The following ADGRA1 variants were observed in gnomAD, a reference collection of about 807,000 sequenced individuals.
ADGRA1 encodes the protein G-protein coupled receptor 123.
ADGRA1 carries 12 observed loss-of-function variants against 21.3 expected under a neutral mutation model. The observed-to-expected ratio is 0.56, with a 90% confidence interval of 0.36 to 0.91. The LOEUF is 0.91. ADGRA1 is among the 40% of genes least tolerant of loss of function. ADGRA1 has a pLI of 0.01. For missense variants in ADGRA1, 790 were observed against 805.6 expected (o/e 0.98, Z 0.23); for synonymous variants, 385 against 368.8 (o/e 1.04, Z -0.50).
chr10:133,101,403 G>A (rs1174264773), intron 4 of ADGRA1, among the ~76,000 whole-genome samples: 3 of 152,224 alleles, frequency 2.0e-5, no homozygotes, highest in Admixed American at 2.0e-4. Flanking sequence ...CTGGCCCTGG[G>A]TCCGGCGGGG....
intron 5 of ADGRA1, among the ~76,000 whole-genome samples, chr10:133,114,035 A>G (rs1852110863): frequency 1.3e-5 from 2 of 152,312 alleles, no homozygotes; most frequent in Admixed American, 6.5e-5. Flanking sequence ...TCTAGACACC[A>G]TGAGTACCTC....
intron 5 of ADGRA1, among the ~76,000 whole-genome samples, chr10:133,104,365 T>C (rs1394979968): frequency 6.6e-6 from 1 of 152,232 alleles, no homozygotes; most frequent in Non-Finnish European, 1.5e-5. Context: ...TCATCTGTAA[T>C]TGATGGAAGA....
Position 133,101,600 on chromosome 10 carries a change from A to G in ADGRA1, c.256-1097A>G, listed in dbSNP as rs115733005. On this transcript the variant is annotated intron_variant, in intron 4 of 6. Transcript: ENST00000392607. ...CTCAGCGCCCCGGGCAGTGACACTG[A>G]CAGCCCCACGGCTGCTTCCTGAAAA... 1.9e-3 allele frequency among the ~76,000 whole-genome samples: 291 copies of G among 152,304 alleles called. 2 individuals are homozygous for G. Among genetic ancestry groups the G allele is most frequent in the African/African-American group, 6.4e-3 (266 of 41,574 alleles).
chr10:133,091,107 G>T (rs745743905), intron 2 of ADGRA1, among the ~76,000 whole-genome samples: 3 of 152,226 alleles, frequency 2.0e-5, no homozygotes, highest in Non-Finnish European at 4.4e-5. Context: ...AGCAGGCTCC[G>T]AAATGAAATA....
chr10:133,129,636 CCCTTCCTT>C lies in ADGRA1; in HGVS notation c.*126_*133del. 1 of 487,728 alleles carries C rather than the reference CCCTTCCTT, an allele frequency of 2.1e-6. No individual in the cohort carries two copies. Among genetic ancestry groups the C allele is most frequent in the Non-Finnish European group, 3.3e-6 (1 of 303,294 alleles). 30.2% of individuals were successfully genotyped at this position (487,728 alleles called of 1,614,324 possible). ...TTTCAGAAGCCGTTCACACCCCTGC[CCCTTCCTT>C]GTGATCACACCCCTGCCCCTTCCTT... is the stretch of plus-strand genomic sequence containing the variant. On this transcript the variant is annotated 3_prime_UTR_variant, in exon 7 of 7. Transcript: ENST00000392607.
At chr10:133,116,669 G>A (rs2135898766) in intron 5 of ADGRA1, among the ~76,000 whole-genome samples, 1 of 152,120 alleles carries the variant, frequency 6.6e-6, no homozygotes, top group East Asian at 1.9e-4. Flanking sequence ...GCCCGAGGAG[G>A]GCCCCCCTTC....
chr10:133,093,015 G>A (rs781117450), intron 2 of ADGRA1: 55 of 1,594,042 alleles, frequency 3.5e-5, no homozygotes, highest in Non-Finnish European at 4.5e-5. Context: ...AGGTTCCTCA[G>A]CCAGTCGGAG....
chr10:133,088,747 C>A lies in ADGRA1; in HGVS notation c.-163C>A. ...CGGACTGCGCCCGCCCCGCCGCGGT[C>A]ACCCTGAGGCCAGGGGCCCGGGAGC... On this transcript the variant is annotated 5_prime_UTR_variant, in exon 2 of 7. It introduces an in-frame stop codon into an upstream open reading frame of the 5' UTR. Coordinates refer to ENST00000392607, the MANE Select transcript of ADGRA1 (RefSeq NM_001083909.3). 1 of 1,230,946 alleles carries A rather than the reference C, an allele frequency of 8.1e-7. No homozygotes were observed. The highest frequency in any genetic ancestry group is 4.2e-5 in the South Asian group (1 of 23,724). The allele number at this position is 1,230,946 out of a possible 1,614,324, so 76.3% of individuals were successfully genotyped here.
At chr10:133,123,317 G>A (rs998984958) in intron 5 of ADGRA1, among the ~76,000 whole-genome samples, 7 of 152,334 alleles carry the variant, frequency 4.6e-5, no homozygotes, top group South Asian at 4.1e-4. Context: ...CCTCACTGAC[G>A]GGCAGGAGCC....
chr10:133,119,961 C>T (rs1194801487), intron 5 of ADGRA1, among the ~76,000 whole-genome samples: 3 of 152,194 alleles, frequency 2.0e-5, no homozygotes, highest in Non-Finnish European at 2.9e-5. Flanking sequence ...TGAGGATTGG[C>T]TTCAACTCAA....
rs536261352 is a variant in ADGRA1, at chr10:133,097,475, C to T, written c.131+374C>T. Reference sequence around the variant, plus strand: ...TGGCCTGCAGAGCCTGGGAGAGGCACCAAGAACATGAGGGTGTCCAGCCGC... The same window carrying T: ...TGGCCTGCAGAGCCTGGGAGAGGCATCAAGAACATGAGGGTGTCCAGCCGC... On this transcript the variant is annotated intron_variant, in intron 3 of 6. Transcript: ENST00000392607. 3.9e-5 allele frequency among the ~76,000 whole-genome samples: 6 copies of T among 152,346 alleles called. No individual in the cohort carries two copies. In the East Asian group the frequency reaches 1.2e-3, roughly 29 times the overall value.
At chr10:133,115,440 G>A (rs1201443748) in intron 5 of ADGRA1, among the ~76,000 whole-genome samples, 1 of 152,204 alleles carries the variant, frequency 6.6e-6, no homozygotes, top group African/African-American at 2.4e-5. Context: ...CCAAAGAACA[G>A]TCCTCACGAG....
chr10:133,129,111 G>A lies in ADGRA1; in HGVS notation c.1283G>A (p.Arg428Gln), dbSNP rs144212964. The A allele has an allele frequency of 2.2e-3, 3,401 of 1,552,352 alleles. 7 individuals are homozygous for A. The highest frequency in any genetic ancestry group is 2.7e-3 in the Non-Finnish European group (3,083 of 1,146,768). The change falls in exon 7 of 7, where the codon CGG (arginine) becomes CAG (glutamine). Residue 428 changes from arginine (R) to glutamine (Q), a missense_variant. By Grantham distance (43) the Arg-to-Gln change is conservative. Coordinates refer to ENST00000392607, the MANE Select transcript of ADGRA1 (RefSeq NM_001083909.3). ...QGRTKPPYFSRHPAEEPEYAY... is the reference protein window; with the variant it reads ...QGRTKPPYFSQHPAEEPEYAY... ...AGAACTAAGCCGCCCTACTTTAGCC[G>A]GCACCCAGCAGAGGAGCCCGAGTAC... is the stretch of plus-strand genomic sequence containing the variant.
At chr10:133,089,528 G>C (rs1026478135) in intron 2 of ADGRA1, among the ~76,000 whole-genome samples, 1 of 152,196 alleles carries the variant, frequency 6.6e-6, no homozygotes. Context: ...TGCAGTTGCT[G>C]AATGTCTGGG....
intron 5 of ADGRA1, among the ~76,000 whole-genome samples, chr10:133,104,819 T>C (rs1353049186): frequency 2.0e-5 from 3 of 152,126 alleles, no homozygotes; most frequent in Non-Finnish European, 4.4e-5. Flanking sequence ...GGTGTTAGCT[T>C]GGGCTTTGCC....
chr10:133,102,725 T>C lies in ADGRA1; in HGVS notation c.284T>C (p.Leu95Pro). Reference sequence around the variant, plus strand: ...GGCATCGTGCTGCACTATTCTACACTGTCCACCATGCTGTGGATAGGAGTG... The same window carrying C: ...GGCATCGTGCTGCACTATTCTACACCGTCCACCATGCTGTGGATAGGAGTG... ...AVGIVLHYSTLSTMLWIGVTA... is the reference protein window; with the variant it reads ...AVGIVLHYSTPSTMLWIGVTA... The change falls in exon 5 of 7, where the codon CTG (leucine) becomes CCG (proline). Residue 95 changes from leucine to proline, a missense_variant. By Grantham distance (98) the Leu-to-Pro change is moderately conservative (BLOSUM62 -3). Transcript: ENST00000392607. 1 of 1,612,072 alleles carries C rather than the reference T, an allele frequency of 6.2e-7. No individual in the cohort carries two copies. Among genetic ancestry groups the C allele is most frequent in the Non-Finnish European group, 8.5e-7 (1 of 1,179,430 alleles).
intron 2 of ADGRA1, among the ~76,000 whole-genome samples, chr10:133,095,464 A>G (rs912948546): frequency 3.3e-5 from 5 of 151,970 alleles, no homozygotes; most frequent in African/African-American, 4.8e-5. Flanking sequence ...GTCTGCTGTC[A>G]CTCCAGCTCT....
chr10:133,090,690 TCTGC>T (rs1851583964), intron 2 of ADGRA1, among the ~76,000 whole-genome samples: 2 of 152,150 alleles, frequency 1.3e-5, no homozygotes, highest in African/African-American at 4.8e-5. Flanking sequence ...TGGCCCTGAC[TCTGC>T]CTGCCCCACT....
intron 5 of ADGRA1, among the ~76,000 whole-genome samples, chr10:133,108,803 C>T (rs1378652067): frequency 1.3e-5 from 2 of 151,444 alleles, no homozygotes; most frequent in Non-Finnish European, 2.9e-5. Flanking sequence ...CACCCCTCCC[C>T]TCACATCCTC....
Sources: allele counts gnomAD v4.1 joint callset (sites outside exome capture counted in the v4.1 genomes callset), GRCh38; gene constraint gnomAD v4.1.1; transcripts MANE v1.5; gene names NCBI Gene and HGNC (gene_info 2026-07-23, HGNC 2026-07-21).